HSF5: variants seen among roughly 807,000 people sequenced by gnomAD.
The protein encoded by HSF5 is heat shock factor protein 5.
In HSF5, 5 loss-of-function variants were observed where a neutral mutation model predicts 50.8. The observed-to-expected ratio is 0.10, with a 90% CI of 0.05 to 0.21. The LOEUF (loss-of-function observed/expected upper bound fraction) is 0.21, where lower values mean the gene tolerates loss of function less well. HSF5 is among the 10% of genes least tolerant of loss of function. The pLI, the probability that HSF5 is intolerant of heterozygous loss-of-function variation, is 1.00. For synonymous variants in HSF5, 307 were observed against 307.4 expected (o/e 1.00, Z 0.02); for missense variants, 564 against 762.6 (o/e 0.74, Z 3.07).
intron 1 of HSF5, among the ~76,000 whole-genome samples, 159 bp from the exon 2 acceptor site, chr17:58,480,426 GAC>G (rs1830584353): frequency 6.6e-6 from 1 of 152,094 alleles, no homozygotes; most frequent in Non-Finnish European, 1.5e-5. Context: ...AAGAATATGA[GAC>G]ATATAATGCT....
Position 58,488,354 on chromosome 17 carries a change from CCCTGCCCGCT to C in HSF5, c.-90_-81del, listed in dbSNP as rs1975226703. ...CGATCCCTCCCCGGCCTTCGCCTCG[CCCTGCCCGCT>C]CCTGCCGGCGCCCATCCGCCGCGTA... On this transcript the variant is annotated 5_prime_UTR_variant, in exon 1 of 6. It removes the in-frame stop codon of an upstream open reading frame in the 5' UTR. Transcript: ENST00000323777. The surrounding 1 kb of genome is among the most constrained non-coding windows in gnomAD (Gnocchi z 4.1). 1 of 1,350,576 alleles carries C rather than the reference CCCTGCCCGCT, an allele frequency of 7.4e-7. No homozygotes were observed. The highest frequency in any genetic ancestry group is 9.4e-7 in the Non-Finnish European group (1 of 1,059,008). 83.7% of individuals were successfully genotyped at this position (1,350,576 alleles called of 1,614,324 possible). A position where few individuals can be genotyped will look rare whatever the true frequency, so the allele number is the denominator to read the frequency against.
At chr17:58,453,095 C>A (rs893365744) in intron 5 of HSF5, among the ~76,000 whole-genome samples, 1 of 152,150 alleles carries the variant, frequency 6.6e-6, no homozygotes, top group African/African-American at 2.4e-5. Flanking sequence ...GGCTTCACTG[C>A]TAAATTCTAC....
At chr17:58,438,102 T>C (rs929823309) in intron 5 of HSF5, among the ~76,000 whole-genome samples, 19 of 151,916 alleles carry the variant, frequency 1.3e-4, no homozygotes, top group Middle Eastern at 6.8e-3. Context: ...GCCAATCAAA[T>C]TGCCAAAAAA....
chr17:58,457,745 C>T (rs1974733005), intron 5 of HSF5, among the ~76,000 whole-genome samples: 2 of 152,204 alleles, frequency 1.3e-5, no homozygotes, highest in African/African-American at 4.8e-5. Context: ...ATGTTAGTTC[C>T]TGCCTTTCTC....
intron 2 of HSF5, chr17:58,476,194 TTCC>T (rs1405039702): frequency 2.1e-6 from 2 of 931,894 alleles, no homozygotes; most frequent in African/African-American, 1.7e-5. Context: ...CTTCTTCATC[TTCC>T]TCATTTCCTT....
intron 3 of HSF5, among the ~76,000 whole-genome samples, chr17:58,466,337 G>T (rs1271460602): frequency 1.3e-5 from 2 of 152,156 alleles, no homozygotes; most frequent in African/African-American, 2.4e-5. Flanking sequence ...CATCTTGGAA[G>T]AATCTGTCAT....
chr17:58,439,321 T>C (rs988038783), intron 5 of HSF5, among the ~76,000 whole-genome samples: 15 of 145,386 alleles, frequency 1.0e-4, no homozygotes, highest in African/African-American at 3.8e-4. Context: ...AGAAAGAACG[T>C]AGAGGAAACT....
At chr17:58,463,371 A>G in intron 3 of HSF5, 68 bp from the exon 4 acceptor site, 2 of 1,288,970 alleles carry the variant, frequency 1.6e-6, no homozygotes, top group South Asian at 1.4e-5. Context: ...GAAAGCTACA[A>G]TATTTAGGCT....
At chr17:58,425,473 G>C (rs1326404288) in intron 5 of HSF5, among the ~76,000 whole-genome samples, 1 of 148,290 alleles carries the variant, frequency 6.7e-6, no homozygotes, top group African/African-American at 2.5e-5. Flanking sequence ...AGCTACCTGG[G>C]AGGCTGAAGC....
At chr17:58,464,615 C>T (rs1429993469) in intron 3 of HSF5, among the ~76,000 whole-genome samples, 1 of 152,178 alleles carries the variant, frequency 6.6e-6, no homozygotes, top group Non-Finnish European at 1.5e-5. Context: ...ATGATGAACA[C>T]GTATTGTCTT....
At chr17:58,485,620 G>A (rs995870070) in intron 1 of HSF5, among the ~76,000 whole-genome samples, 11 of 151,416 alleles carry the variant, frequency 7.3e-5, no homozygotes, top group Admixed American at 2.6e-4. Context: ...TGGTGGCCAC[G>A]CCTGTAGTCC....
At chr17:58,456,524 T>A (rs1189361135) in intron 5 of HSF5, among the ~76,000 whole-genome samples, 1 of 152,120 alleles carries the variant, frequency 6.6e-6, no homozygotes, top group Admixed American at 6.5e-5. Flanking sequence ...AACAATGTAG[T>A]GTATATTTCA....
rs1051084547 is a variant in HSF5, at chr17:58,420,502, C to T, written c.*1858G>A. 5 of 152,102 alleles carry T rather than the reference C, an allele frequency of 3.3e-5. No individual in the cohort carries two copies. Among genetic ancestry groups the T allele is most frequent in the African/African-American group, 4.8e-5 (2 of 41,396 alleles). 9.4% of individuals were successfully genotyped at this position (152,102 alleles called of 1,614,324 possible). A position where few individuals can be genotyped will look rare whatever the true frequency, so the allele number is the denominator to read the frequency against. Reference sequence around the variant, plus strand: ...AACCAAATCTATGCCAAGGTTCCTGCTTGACATGTGTTCCTCAAAAGATAT... The same window carrying T: ...AACCAAATCTATGCCAAGGTTCCTGTTTGACATGTGTTCCTCAAAAGATAT... On this transcript the variant is annotated 3_prime_UTR_variant, in exon 6 of 6. Coordinates refer to ENST00000323777, the MANE Select transcript of HSF5 (RefSeq NM_001080439.3).
chr17:58,434,419 C>T (rs1974400392), intron 5 of HSF5, among the ~76,000 whole-genome samples: 1 of 151,782 alleles, frequency 6.6e-6, no homozygotes, highest in East Asian at 1.9e-4. Context: ...TGTGGCAGCG[C>T]GTGCCTGTAA....
intron 4 of HSF5, among the ~76,000 whole-genome samples, chr17:58,459,505 G>A (rs1426778685): frequency 6.6e-6 from 1 of 151,972 alleles, no homozygotes; most frequent in Admixed American, 6.6e-5. Context: ...AAATTAGCCG[G>A]GCGTGGTAGC....
At chr17:58,425,575 C>CA (rs66502039) in intron 5 of HSF5, among the ~76,000 whole-genome samples, 8,770 of 32,818 alleles carry the variant, frequency 0.27, 2,103 homozygotes, top group Non-Finnish European at 0.29. Context: ...ACCTCTATCT[C>CA]AAAAAAAAAA....
rs1975117306 is a variant in HSF5 at position 58,482,797 on chromosome 17, A to T, written c.551-2530T>A. On this transcript the variant is annotated intron_variant, in intron 1 of 5. Coordinates refer to ENST00000323777, the MANE Select transcript of HSF5 (RefSeq NM_001080439.3). ...TGTCTTTACAAAAAATAAAACAATCAGCCAGGTATGGTGGCATGCACCAAT... is the reference window on the plus strand; with the variant it reads ...TGTCTTTACAAAAAATAAAACAATCTGCCAGGTATGGTGGCATGCACCAAT... 2.0e-5 allele frequency among the ~76,000 whole-genome samples: 3 copies of T among 151,052 alleles called. 1 individual carries two copies. Among genetic ancestry groups the T allele is most frequent in the Admixed American group, 2.0e-4 (3 of 15,140 alleles).
At chr17:58,437,040 C>T (rs1041847873) in intron 5 of HSF5, among the ~76,000 whole-genome samples, 1 of 152,102 alleles carries the variant, frequency 6.6e-6, no homozygotes, top group Non-Finnish European at 1.5e-5. Context: ...TAAAAGTGTG[C>T]TACACATACA....
At chr17:58,486,513 GCTTT>G (rs1322472555) in intron 1 of HSF5, among the ~76,000 whole-genome samples, 1 of 152,196 alleles carries the variant, frequency 6.6e-6, no homozygotes, top group African/African-American at 2.4e-5. Flanking sequence ...GTAAATGTGA[GCTTT>G]CTAAAATTCT....
Sources: gnomAD v4.1 joint callset for allele counts (sites outside exome capture counted in the v4.1 genomes callset) on GRCh38, gnomAD v4.1.1 for gene constraint, Gnocchi (gnomAD v3.1) non-coding constraint, MANE v1.5 for transcripts, NCBI Gene and HGNC (gene_info 2026-07-23, HGNC 2026-07-21) for gene names.